RAPGEF4: variants seen among roughly 807,000 people sequenced by gnomAD.
RAPGEF4 encodes the protein RAP guanine-nucleotide-exchange factor (GEF) 4.
RAPGEF4 carries 66 observed loss-of-function variants against 147.9 expected under a neutral mutation model. The ratio of observed to expected loss-of-function variants is 0.45; its 90% CI spans 0.37 to 0.55. The LOEUF is 0.55. RAPGEF4 is among the 20% of genes least tolerant of loss of function. RAPGEF4 has a pLI of 0.00. For missense variants in RAPGEF4, 1,071 were observed against 1,257.3 expected (o/e 0.85, Z 2.24); for synonymous variants, 419 against 442.7 (o/e 0.95, Z 0.67).
At position 172,985,459 on chromosome 2, in the gene RAPGEF4, C is replaced by G; in HGVS notation, c.1116C>G (p.Leu372=). ...TTVKRELAGV[L]IFESHAKGGT... is the part of the protein sequence containing the mutation. ...TGAAACGAGAGTTAGCAGGTGTTCT[C>G]ATTTTTGAGTCTCACGCCAAAGGAG... is the stretch of plus-strand genomic sequence containing the variant. The change falls in exon 12 of 31, where the codon CTC becomes CTG. Residue 372 remains leucine, a synonymous_variant. Transcript: ENST00000397081. 3.7e-6 allele frequency: 6 copies of G among 1,613,890 alleles called. No homozygotes were observed. Among genetic ancestry groups the G allele is most frequent in the Non-Finnish European group, 5.1e-6 (6 of 1,179,928 alleles).
At chr2:173,013,627 G>A (rs925078284) in intron 17 of RAPGEF4, among the ~76,000 whole-genome samples, 8 of 152,152 alleles carry the variant, frequency 5.3e-5, no homozygotes, top group Admixed American at 2.0e-4. Flanking sequence ...ATACAAGAAT[G>A]GACCAGGGAC....
In RAPGEF4 at chr2:172,766,956, T is replaced by C. The variant is rs144304004; in HGVS notation, c.66-28069T>C. Among the ~76,000 whole-genome samples the C allele has an allele frequency of 4.4e-3, 677 of 152,338 alleles. 7 individuals carry two copies. The highest frequency in any genetic ancestry group is 0.013 in the African/African-American group (543 of 41,588). ...CAAGCAATTGCAGCATTTTCTTGTATGGTTTTGTTTTTGATTGTCTCACTT... is the reference window on the plus strand; with the variant it reads ...CAAGCAATTGCAGCATTTTCTTGTACGGTTTTGTTTTTGATTGTCTCACTT... On this transcript the variant is annotated intron_variant, in intron 1 of 30. Coordinates refer to ENST00000397081, the MANE Select transcript of RAPGEF4 (RefSeq NM_007023.4).
At chr2:172,922,180 C>A in intron 5 of RAPGEF4, 101 bp from the exon 6 acceptor site, 1 of 1,094,138 alleles carries the variant, frequency 9.1e-7, no homozygotes, top group Non-Finnish European at 1.4e-6. Flanking sequence ...AAATTGAAAA[C>A]ACTGAAATTT....
At chr2:172,929,133 T>C (rs544823301) in intron 6 of RAPGEF4, among the ~76,000 whole-genome samples, 32 of 152,370 alleles carry the variant, frequency 2.1e-4, no homozygotes, top group African/African-American at 5.3e-4. Context: ...GTTTGATGTG[T>C]TTGAATTTTT....
At chr2:172,925,230 C>T (rs1005851976) in intron 6 of RAPGEF4, among the ~76,000 whole-genome samples, 2 of 152,280 alleles carry the variant, frequency 1.3e-5, no homozygotes, top group African/African-American at 2.4e-5. Context: ...CCGCCCGCCT[C>T]GGCCTTCCAA....
At chr2:172,939,941 T>C (rs1045270675) in intron 6 of RAPGEF4, among the ~76,000 whole-genome samples, 3 of 152,220 alleles carry the variant, frequency 2.0e-5, no homozygotes, top group South Asian at 4.1e-4. Flanking sequence ...ACTATGTTTA[T>C]GTGGGTCTAT....
At chr2:172,759,669 A>T (rs971682933) in intron 1 of RAPGEF4, among the ~76,000 whole-genome samples, 1 of 152,232 alleles carries the variant, frequency 6.6e-6, no homozygotes, top group Non-Finnish European at 1.5e-5. Context: ...CTCTTAGGAG[A>T]TGGTATGCCT....
At chr2:172,785,559 C>T (rs958583474) in intron 1 of RAPGEF4, among the ~76,000 whole-genome samples, 2 of 151,944 alleles carry the variant, frequency 1.3e-5, no homozygotes, top group Admixed American at 6.6e-5. Flanking sequence ...TCAAACTGAA[C>T]CTTAAAGTCA....
chr2:172,774,751 T>C (rs1683989606), intron 1 of RAPGEF4, among the ~76,000 whole-genome samples: 1 of 152,216 alleles, frequency 6.6e-6, no homozygotes, highest in Non-Finnish European at 1.5e-5. Flanking sequence ...TAGATATATG[T>C]CTTAGATCCC....
intron 23 of RAPGEF4, among the ~76,000 whole-genome samples, chr2:173,023,160 G>T (rs890165145): frequency 6.6e-6 from 1 of 152,138 alleles, no homozygotes; most frequent in Admixed American, 6.5e-5. Context: ...AGATGCTCCG[G>T]GTAGCTTACC....
At chr2:172,924,319 C>T (rs12992735) in intron 6 of RAPGEF4, among the ~76,000 whole-genome samples, 48,241 of 152,138 alleles carry the variant, frequency 0.32, 8,313 homozygotes, top group Middle Eastern at 0.4. Flanking sequence ...AGAGGGCTAA[C>T]AGCTGTCATC....
intron 29 of RAPGEF4, among the ~76,000 whole-genome samples, chr2:173,047,529 A>G (rs940865020): frequency 1.3e-4 from 20 of 152,202 alleles, no homozygotes; most frequent in Admixed American, 3.3e-4. Flanking sequence ...TGTATGTACT[A>G]TATGAATTCA....
chr2:172,766,509 C>A (rs986895817), intron 1 of RAPGEF4, among the ~76,000 whole-genome samples: 1 of 152,070 alleles, frequency 6.6e-6, no homozygotes, highest in Non-Finnish European at 1.5e-5. Context: ...TCACTGTACT[C>A]CAGCCTGGGT....
At chr2:172,962,222 G>T (rs893013114) in intron 8 of RAPGEF4, among the ~76,000 whole-genome samples, 1 of 152,154 alleles carries the variant, frequency 6.6e-6, no homozygotes, top group Non-Finnish European at 1.5e-5. Context: ...AGACATGACT[G>T]CCCTCTTTCA....
At chr2:173,038,676 A>G (rs1392059414) in intron 29 of RAPGEF4, among the ~76,000 whole-genome samples, 1 of 152,206 alleles carries the variant, frequency 6.6e-6, no homozygotes, top group Non-Finnish European at 1.5e-5. Context: ...AGGTGCAGCA[A>G]ACCAGAATGG....
At chr2:172,808,129 A>T (rs773265659) in intron 3 of RAPGEF4, among the ~76,000 whole-genome samples, 5 of 152,244 alleles carry the variant, frequency 3.3e-5, no homozygotes, top group African/African-American at 4.8e-5. Flanking sequence ...CTTGAATACC[A>T]GTCTTAGTTA....
intron 25 of RAPGEF4, among the ~76,000 whole-genome samples, chr2:173,028,569 A>AT (rs1696881177): frequency 6.6e-6 from 1 of 151,986 alleles, no homozygotes; most frequent in African/African-American, 2.4e-5. Context: ...ATATATATAT[A>AT]TTTTTGCTTT....
chr2:172,850,124 G>A (rs1692642486), intron 4 of RAPGEF4, among the ~76,000 whole-genome samples: 1 of 152,118 alleles, frequency 6.6e-6, no homozygotes, highest in Non-Finnish European at 1.5e-5. Flanking sequence ...TACTTGGAGT[G>A]GAGGGCGTGG....
At chr2:172,806,015 CTGTGTGTGTGTGTGTGTGTGTG>C (rs36226317) in intron 3 of RAPGEF4, among the ~76,000 whole-genome samples, 2 of 145,322 alleles carry the variant, frequency 1.4e-5, no homozygotes, top group Admixed American at 6.9e-5. Context: ...TATTATCCGG[CTGTGTGTGTGTGTGTGTGTGTG>C]TGTGTGTGTG....
Sources: gnomAD v4.1 joint callset for allele counts (sites outside exome capture counted in the v4.1 genomes callset) on GRCh38, gnomAD v4.1.1 for gene constraint, MANE v1.5 for transcripts, NCBI Gene and HGNC (gene_info 2026-07-23, HGNC 2026-07-21) for gene names.